Variants in RND3 observed in about 807,000 individuals in gnomAD.
RND3 encodes rho-related GTP-binding protein RhoE.
Under a neutral mutation model 26.5 loss-of-function variants are expected in RND3, and 8 were observed. The ratio of observed to expected loss-of-function variants is 0.30; its 90% CI spans 0.18 to 0.54. The LOEUF (loss-of-function observed/expected upper bound fraction) is 0.54. RND3 is among the 20% of genes least tolerant of loss of function. The pLI, the probability that RND3 is intolerant of heterozygous loss-of-function variation, is 0.94. For synonymous variants in RND3, 113 were observed against 113.0 expected, an observed-to-expected ratio of 1.00 and a Z score of 0.00; for missense variants, 207 against 302.8, an observed-to-expected ratio of 0.68 and a Z score of 2.35.
intron 3 of RND3, among the ~76,000 whole-genome samples, chr2:150,481,555 C>T (rs778825355): frequency 3.3e-5 from 5 of 152,174 alleles, no homozygotes; most frequent in African/African-American, 9.7e-5. Flanking sequence ...TGTCTTATCA[C>T]ATGGTGAAAC....
At position 150,483,309 on chromosome 2, in the gene RND3, G is replaced by A. The variant is rs59294079; in HGVS notation, c.238+3385C>T. Among the ~76,000 whole-genome samples the A allele has an allele frequency of 5.2e-3, 784 of 152,224 alleles. 5 individuals are homozygous for A. The highest frequency in any genetic ancestry group is 0.018 in the African/African-American group (738 of 41,532). Reference sequence around the variant, plus strand: ...CTAAATGGTTGCCCTTCTGCTAGGAGGGTAAACAGGACAGGAAATATCATT... The same window carrying A: ...CTAAATGGTTGCCCTTCTGCTAGGAAGGTAAACAGGACAGGAAATATCATT... On this transcript the variant is annotated intron_variant, in intron 3 of 5. Coordinates refer to ENST00000263895, the MANE Select transcript of RND3 (RefSeq NM_005168.5).
At position 150,487,474 on chromosome 2, in the gene RND3, A is replaced by AAAAAATATATATATAT; in HGVS notation, c.-38-20_-38-19insATATATATATATTTTT. 6.2e-4 allele frequency: 125 copies of AAAAAATATATATATAT among 200,774 alleles called. No individual in the cohort carries two copies. Among genetic ancestry groups the AAAAAATATATATATAT allele is most frequent in the Admixed American group, 2.5e-3 (34 of 13,820 alleles). 12.4% of individuals were successfully genotyped at this position (200,774 alleles called of 1,614,324 possible). Reference sequence around the variant, plus strand: ...ATTTTCTCTTAAGAAGAAAAAAAAAAATATATATATATATATATATTTCTC... The same window carrying AAAAAATATATATATAT: ...ATTTTCTCTTAAGAAGAAAAAAAAAAAAAAATATATATATATATATATATATATATATATATTTCTC... On this transcript the variant is annotated intron_variant, in intron 1 of 5. Coordinates refer to ENST00000263895, the MANE Select transcript of RND3 (RefSeq NM_005168.5).
chr2:150,483,592 T>C (rs1686311760), intron 3 of RND3, among the ~76,000 whole-genome samples: 1 of 152,210 alleles, frequency 6.6e-6, no homozygotes, highest in Admixed American at 6.5e-5. Flanking sequence ...AATGTTTTAG[T>C]GGGCAAAGAA....
In RND3 at chr2:150,469,692, C is replaced by G; in HGVS notation, c.*295G>C. On this transcript the variant is annotated 3_prime_UTR_variant, in exon 6 of 6. Transcript: ENST00000263895. Reference sequence around the variant, plus strand: ...AAGCACCATTCAGAGTGTGATTTTTCTTCTTGGAGGTACTCGCATCCCCCC... The same window carrying G: ...AAGCACCATTCAGAGTGTGATTTTTGTTCTTGGAGGTACTCGCATCCCCCC... 1 of 291,472 alleles carries G rather than the reference C, an allele frequency of 3.4e-6. No individual in the cohort carries two copies. The highest frequency in any genetic ancestry group is 6.3e-6 in the Non-Finnish European group (1 of 157,530). 18.1% of individuals were successfully genotyped at this position (291,472 alleles called of 1,614,324 possible).
intron 3 of RND3, among the ~76,000 whole-genome samples, chr2:150,482,279 C>G (rs1172706627): frequency 6.6e-6 from 1 of 152,184 alleles, no homozygotes; most frequent in Non-Finnish European, 1.5e-5. Flanking sequence ...ACACTGCAAT[C>G]AAATCTCTTA....
At position 150,469,687 on chromosome 2, in the gene RND3, T is replaced by C. The variant is rs1027665712; in HGVS notation, c.*300A>G. On this transcript the variant is annotated 3_prime_UTR_variant, in exon 6 of 6. Transcript: ENST00000263895. ...AATGCAAGCACCATTCAGAGTGTGA[T>C]TTTTCTTCTTGGAGGTACTCGCATC... 60 of 330,662 alleles carry C rather than the reference T, an allele frequency of 1.8e-4. No homozygotes were observed. Among genetic ancestry groups the C allele is most frequent in the African/African-American group, 1.2e-3 (57 of 46,824 alleles). 20.5% of individuals were successfully genotyped at this position (330,662 alleles called of 1,614,324 possible). A position where few individuals can be genotyped will look rare whatever the true frequency, so the allele number is the denominator to read the frequency against.
At chr2:150,487,141 G>T in intron 2 of RND3, 127 bp downstream of exon 2, 1 of 817,176 alleles carries the variant, frequency 1.2e-6, no homozygotes, top group Non-Finnish European at 1.8e-6. Flanking sequence ...AGTAAGGACC[G>T]AGAAAGACTT....
chr2:150,477,760 C>G (rs1686191448), intron 3 of RND3, among the ~76,000 whole-genome samples: 1 of 152,130 alleles, frequency 6.6e-6, no homozygotes, highest in South Asian at 2.1e-4. Flanking sequence ...ATCCGGTTAA[C>G]AGTATAAGTG....
chr2:150,473,840 C>A (rs1008480443), intron 4 of RND3, among the ~76,000 whole-genome samples: 1 of 152,032 alleles, frequency 6.6e-6, no homozygotes, highest in Non-Finnish European at 1.5e-5. Context: ...ATGAAAAAAA[C>A]AAAACCAACC....
rs977485446 is a variant in RND3, at chr2:150,471,488, A to C, written c.483+139T>G. On this transcript the variant is annotated intron_variant, in intron 5 of 5. Transcript: ENST00000263895. ...TATCATGTAATTACACTAATAAATG[A>C]CAGCATTTTAAATTTCACAACTGAC... 1.1e-5 allele frequency: 7 copies of C among 646,518 alleles called. No homozygotes were observed. The African/African-American group carries it at 1.1e-4, about 10-fold the overall frequency. 40.0% of individuals were successfully genotyped at this position (646,518 alleles called of 1,614,324 possible).
At position 150,468,858 on chromosome 2, in the gene RND3, A is replaced by C. The variant is rs1227665319; in HGVS notation, c.*1129T>G. 1 of 152,634 alleles carries C rather than the reference A, an allele frequency of 6.6e-6. No individual in the cohort carries two copies. The highest frequency in any genetic ancestry group is 2.4e-5 in the African/African-American group (1 of 41,448). The allele number at this position is 152,634 out of a possible 1,614,324, so 9.5% of individuals were successfully genotyped here. A position where few individuals can be genotyped will look rare whatever the true frequency, so the allele number is the denominator to read the frequency against. ...GTCAGGACTGAAAGTTTATCATATA[A>C]TCTTCCACTAGGGATTCTCTAAAGC... On this transcript the variant is annotated 3_prime_UTR_variant, in exon 6 of 6. Transcript: ENST00000263895.
At chr2:150,474,676 C>T (rs1686137639) in intron 4 of RND3, among the ~76,000 whole-genome samples, 199 bp downstream of exon 4, 1 of 152,140 alleles carries the variant, frequency 6.6e-6, no homozygotes, top group Non-Finnish European at 1.5e-5. Context: ...TGTTTCAGAG[C>T]TTCATGAAAT....
chr2:150,484,046 TA>T (rs1230340493), intron 3 of RND3, among the ~76,000 whole-genome samples: 1 of 152,366 alleles, frequency 6.6e-6, no homozygotes, highest in South Asian at 2.1e-4. Context: ...TTCAGATGAT[TA>T]TCTTTAATTC....
chr2:150,478,086 A>G (rs909640984), intron 3 of RND3, among the ~76,000 whole-genome samples: 1 of 152,150 alleles, frequency 6.6e-6, no homozygotes, highest in African/African-American at 2.4e-5. Flanking sequence ...AGATAGAAAT[A>G]TCTATTGTCT....
At chr2:150,470,593 G>C (rs1190016045) in intron 5 of RND3, among the ~76,000 whole-genome samples, 4 of 152,152 alleles carry the variant, frequency 2.6e-5, no homozygotes, top group Non-Finnish European at 4.4e-5. Flanking sequence ...AGCTAACGAA[G>C]TGATTCATCT....
At chr2:150,478,768 T>C (rs1686216713) in intron 3 of RND3, among the ~76,000 whole-genome samples, 1 of 152,078 alleles carries the variant, frequency 6.6e-6, no homozygotes, top group Non-Finnish European at 1.5e-5. Context: ...GTATGTGCTC[T>C]AGTACCTAAG....
At position 150,487,474 on chromosome 2, in the gene RND3, A is replaced by AAAAAAATATATATATATATATATATATAT; in HGVS notation, c.-38-20_-38-19insATATATATATATATATATATATATTTTTT. 1.0e-5 allele frequency: 2 copies of AAAAAAATATATATATATATATATATATAT among 196,040 alleles called. No homozygotes were observed. The highest frequency in any genetic ancestry group is 7.3e-5 in the Admixed American group (1 of 13,712). 12.1% of individuals were successfully genotyped at this position (196,040 alleles called of 1,614,324 possible). A position where few individuals can be genotyped will look rare whatever the true frequency, so the allele number is the denominator to read the frequency against. ...ATTTTCTCTTAAGAAGAAAAAAAAA[A>AAAAAAATATATATATATATATATATATAT]ATATATATATATATATATATTTCTC... is the stretch of plus-strand genomic sequence containing the variant. On this transcript the variant is annotated intron_variant, in intron 1 of 5. Transcript: ENST00000263895.
chr2:150,473,598 T>C (rs1686119252), intron 4 of RND3, among the ~76,000 whole-genome samples: 1 of 152,182 alleles, frequency 6.6e-6, no homozygotes, highest in Non-Finnish European at 1.5e-5. Flanking sequence ...AGATATGTAT[T>C]ACTCAAAATT....
At chr2:150,477,527 G>A (rs903388024) in intron 3 of RND3, among the ~76,000 whole-genome samples, 9 of 151,892 alleles carry the variant, frequency 5.9e-5, no homozygotes, top group East Asian at 1.9e-4. Context: ...TATGTTTCCC[G>A]TCCCCCACCC....
Sources: gnomAD v4.1 joint callset for allele counts (sites outside exome capture counted in the v4.1 genomes callset) on GRCh38, gnomAD v4.1.1 for gene constraint, MANE v1.5 for transcripts, NCBI Gene and HGNC (gene_info 2026-07-23, HGNC 2026-07-21) for gene names.